The following SLC44A3 variants were observed in gnomAD, a reference collection of about 807,000 sequenced individuals.
SLC44A3 encodes solute carrier family 44 member 3.
A neutral mutation model predicts 75.4 loss-of-function variants in SLC44A3; 74 were observed. The ratio of observed to expected loss-of-function variants is 0.98; its 90% CI spans 0.81 to 1.19. The LOEUF is 1.19. Ranked by LOEUF, SLC44A3 falls within the 50% of genes most tolerant of loss-of-function variation. The pLI is 0.00. For missense variants in SLC44A3, 700 were observed against 778.6 expected, an observed-to-expected ratio of 0.90 and a Z score of 1.20; for synonymous variants, 310 against 296.9, an observed-to-expected ratio of 1.04 and a Z score of -0.45.
At chr1:94,826,551 T>C (rs1661370906) in intron 3 of SLC44A3, among the ~76,000 whole-genome samples, 1 of 151,380 alleles carries the variant, frequency 6.6e-6, no homozygotes, top group Non-Finnish European at 1.5e-5. Context: ...CTCAGGAGGC[T>C]GATGCAGGAG....
chr1:94,821,303 A>G (rs985845235), intron 2 of SLC44A3, among the ~76,000 whole-genome samples: 1 of 152,182 alleles, frequency 6.6e-6, no homozygotes, highest in Admixed American at 6.5e-5. Flanking sequence ...TTGCAATGTG[A>G]TTGCTATTTA....
intron 10 of SLC44A3, among the ~76,000 whole-genome samples, chr1:94,859,105 G>T (rs1308677216): frequency 6.6e-6 from 1 of 152,162 alleles, no homozygotes; most frequent in Admixed American, 6.5e-5. Flanking sequence ...AGCAGCCGGG[G>T]GTGGGTTGTG....
intron 11 of SLC44A3, 128 bp downstream of exon 11, chr1:94,865,027 G>C (rs1222969870): frequency 1.2e-6 from 1 of 850,458 alleles, no homozygotes; most frequent in Non-Finnish European, 1.8e-6. Context: ...GAAAGCTCCT[G>C]CACTCCTCAG....
At chr1:94,884,199 C>G (rs777430852) in intron 12 of SLC44A3, among the ~76,000 whole-genome samples, 3 of 152,218 alleles carry the variant, frequency 2.0e-5, no homozygotes, top group Non-Finnish European at 4.4e-5. Context: ...TGGCTGCAGC[C>G]CCAGGGGACT....
At chr1:94,857,564 T>C in intron 10 of SLC44A3, 64 bp downstream of exon 10, 1 of 1,452,814 alleles carries the variant, frequency 6.9e-7, no homozygotes, top group East Asian at 2.5e-5. Flanking sequence ...TTCATGTTAA[T>C]ATCTCAAAAG....
chr1:94,873,264 A>T (rs1440953652), intron 12 of SLC44A3, among the ~76,000 whole-genome samples: 6 of 152,134 alleles, frequency 3.9e-5, no homozygotes, highest in Non-Finnish European at 2.9e-5. Context: ...ACCCCGATGC[A>T]CCTTGATGCA....
chr1:94,858,816 C>T (rs962457311), intron 10 of SLC44A3, among the ~76,000 whole-genome samples: 8 of 152,086 alleles, frequency 5.3e-5, no homozygotes, highest in Admixed American at 2.0e-4. Flanking sequence ...CTCAGTCTCC[C>T]GAGTAGCTGG....
intron 9 of SLC44A3, among the ~76,000 whole-genome samples, chr1:94,850,574 A>G (rs1665094205): frequency 1.3e-5 from 2 of 152,208 alleles, no homozygotes; most frequent in Admixed American, 6.5e-5. Flanking sequence ...AGGAGGCAGC[A>G]GGGTCAGACA....
intron 7 of SLC44A3, 125 bp from the exon 8 acceptor site, chr1:94,841,875 C>G: frequency 7.7e-7 from 1 of 1,296,674 alleles, no homozygotes; most frequent in Non-Finnish European, 1.0e-6. Context: ...GTATTTGGGA[C>G]CCACTGCCAG....
intron 2 of SLC44A3, among the ~76,000 whole-genome samples, chr1:94,823,289 A>G (rs1259593706): frequency 6.6e-6 from 1 of 152,208 alleles, no homozygotes; most frequent in Admixed American, 6.5e-5. Context: ...TCAGCTTGCC[A>G]TGCCAGCCAC....
At chr1:94,894,727 C>A in intron 14 of SLC44A3, 91 bp from the exon 15 acceptor site, 1 of 1,028,258 alleles carries the variant, frequency 9.7e-7, no homozygotes, top group Non-Finnish European at 1.4e-6. Flanking sequence ...AGCAAACCGT[C>A]AGAGGGCAAA....
Position 94,820,413 on chromosome 1 carries a change from G to A in SLC44A3, c.-39G>A. 1 of 1,446,416 alleles carries A rather than the reference G, an allele frequency of 6.9e-7. No individual in the cohort carries two copies. The highest frequency in any genetic ancestry group is 9.1e-7 in the Non-Finnish European group (1 of 1,102,628). The allele number at this position is 1,446,416 out of a possible 1,614,324, so 89.6% of individuals were successfully genotyped here. On this transcript the variant is annotated 5_prime_UTR_variant, in exon 1 of 15. Transcript: ENST00000271227. ...TGCGTCTCCGCGTACAGGAGGCGGCGGCGGCTCCCAGTCACCGGCCCCCGC... is the reference window on the plus strand; with the variant it reads ...TGCGTCTCCGCGTACAGGAGGCGGCAGCGGCTCCCAGTCACCGGCCCCCGC...
intron 10 of SLC44A3, among the ~76,000 whole-genome samples, chr1:94,863,346 G>A (rs55893263): frequency 0.031 from 4,785 of 152,192 alleles, 85 homozygotes; most frequent in African/African-American, 0.053. Context: ...GAAAGCTGAT[G>A]CCTAACCCCA....
intron 2 of SLC44A3, among the ~76,000 whole-genome samples, chr1:94,822,704 C>T (rs1364489323): frequency 2.0e-5 from 3 of 152,176 alleles, no homozygotes; most frequent in Admixed American, 2.0e-4. Flanking sequence ...ACTATCTCTG[C>T]CTCTACTTAC....
At position 94,892,480 on chromosome 1, in the gene SLC44A3, CG is replaced by C. The variant is rs757092991; in HGVS notation, c.1821del (p.Ser608GlnfsTer12). On this transcript the variant is annotated frameshift_variant, in exon 14 of 15. Transcript: ENST00000271227. LOFTEE classifies it low-confidence loss of function (END_TRUNC). ...FAVDLETNDG[S>X]SEKPYFMDQE... ...GTTGATCTGGAAACAAATGATGGAT[CG>C]TCAGAAAAGCCCTACTTTATGGATC... is the stretch of plus-strand genomic sequence containing the variant. 1.2e-6 allele frequency: 2 copies of C among 1,614,146 alleles called. No homozygotes were observed. Among genetic ancestry groups the C allele is most frequent in the East Asian group, 4.5e-5 (2 of 44,880 alleles).
chr1:94,873,119 C>T (rs116662787), intron 12 of SLC44A3, among the ~76,000 whole-genome samples: 2,759 of 152,264 alleles, frequency 0.018, 66 homozygotes, highest in African/African-American at 0.057. Context: ...CCAGGCAGCT[C>T]AGTCATTCTC....
chr1:94,845,184 T>C, intron 8 of SLC44A3, 94 bp from the exon 9 acceptor site: 1 of 1,297,926 alleles, frequency 7.7e-7, no homozygotes, highest in South Asian at 1.5e-5. Flanking sequence ...AAGAGCTGTT[T>C]GCTGAGATGT....
Position 94,820,459 on chromosome 1 carries a change from G to T in SLC44A3, c.8G>T (p.Cys3Phe). The change falls in exon 1 of 15, where the codon TGC (cysteine) becomes TTC (phenylalanine). Residue 3 changes from cysteine (C) to phenylalanine (F), a missense_variant. By Grantham distance (205) the Cys-to-Phe change is radical. Transcript: ENST00000271227. MH[C>F]LGAEYLVSAE... is the part of the protein sequence containing the mutation. Reference sequence around the variant, plus strand: ...CCCGCCGGCGAGCGCACGATGCACTGCCTGGGCGCCGAGTACCTGGTAAGC... The same window carrying T: ...CCCGCCGGCGAGCGCACGATGCACTTCCTGGGCGCCGAGTACCTGGTAAGC... The T allele has an allele frequency of 1.3e-6, 2 of 1,493,730 alleles. No homozygotes were observed. The highest frequency in any genetic ancestry group is 2.5e-5 in the South Asian group (2 of 80,334). 92.5% of individuals were successfully genotyped at this position (1,493,730 alleles called of 1,614,324 possible).
chr1:94,895,193 C>A lies in SLC44A3; in HGVS notation c.*271C>A. The A allele has an allele frequency of 3.3e-6, 1 of 306,738 alleles. No homozygotes were observed. The highest frequency in any genetic ancestry group is 7.7e-5 in the South Asian group (1 of 13,064). The allele number at this position is 306,738 out of a possible 1,614,324, so 19.0% of individuals were successfully genotyped here. On this transcript the variant is annotated 3_prime_UTR_variant, in exon 15 of 15. Transcript: ENST00000271227. Reference sequence around the variant, plus strand: ...ACTTACAAAGTACACTATGTAAGAACTGAGGTAAGTTTGTAAGTGCACAAC... The same window carrying A: ...ACTTACAAAGTACACTATGTAAGAAATGAGGTAAGTTTGTAAGTGCACAAC...
Sources: gnomAD v4.1 joint callset for allele counts (sites outside exome capture counted in the v4.1 genomes callset) on GRCh38, gnomAD v4.1.1 for gene constraint, MANE v1.5 for transcripts, NCBI Gene and HGNC (gene_info 2026-07-23, HGNC 2026-07-21) for gene names.